The following TAFA2 variants were observed in gnomAD, a reference collection of about 807,000 sequenced individuals.
TAFA2 encodes TAFA chemokine like family member 2.
Under a neutral mutation model 18.8 loss-of-function variants are expected in TAFA2, and 7 were observed. The ratio of observed to expected loss-of-function variants is 0.37; its 90% CI spans 0.21 to 0.70. The LOEUF (loss-of-function observed/expected upper bound fraction) is 0.70, where lower values mean the gene tolerates loss of function less well. Among genes scored for constraint, TAFA2 ranks in the 30% least tolerant of loss-of-function variants. The probability of loss-of-function intolerance (pLI) is 0.53; values close to 1 mark genes in which losing one functional copy is unlikely to be tolerated. For synonymous variants in TAFA2, 60 were observed against 54.2 expected (o/e 1.11, Z -0.47); for missense variants, 122 against 158.1 (o/e 0.77, Z 1.23).
At chr12:61,970,272 G>C (rs1462289779) in intron 1 of TAFA2, among the ~76,000 whole-genome samples, 1 of 151,540 alleles carries the variant, frequency 6.6e-6, no homozygotes, top group Non-Finnish European at 1.5e-5. Context: ...ACAGATAATG[G>C]CTAAAATTGC....
At chr12:62,100,199 C>T (rs564744030) in intron 1 of TAFA2, among the ~76,000 whole-genome samples, 91 of 151,586 alleles carry the variant, frequency 6.0e-4, no homozygotes, top group African/African-American at 2.0e-3. Context: ...TTTCAATCTT[C>T]TCTGGGTGGG....
intron 1 of TAFA2, among the ~76,000 whole-genome samples, chr12:61,932,361 C>T (rs1348685210): frequency 6.6e-6 from 1 of 152,088 alleles, no homozygotes; most frequent in Admixed American, 6.6e-5. Flanking sequence ...ATAGATGCCT[C>T]CCAAGACTGA....
chr12:61,879,564 C>T, intron 1 of TAFA2: 2 of 740,510 alleles, frequency 2.7e-6, no homozygotes, highest in South Asian at 1.5e-5. Context: ...AGGTGGACCC[C>T]AACATCCAGG....
chr12:62,247,026 TTA>T (rs1335083884), intron 1 of TAFA2, among the ~76,000 whole-genome samples: 9 of 152,192 alleles, frequency 5.9e-5, no homozygotes, highest in African/African-American at 9.6e-5. Context: ...TTCTACAATC[TTA>T]TATATATGTT....
At chr12:61,802,493 T>C in intron 2 of TAFA2, among the ~76,000 whole-genome samples, 1 of 151,942 alleles carries the variant, frequency 6.6e-6, no homozygotes, top group South Asian at 2.1e-4. Context: ...TTAAGTGAAA[T>C]AAGTCAGGCA....
At chr12:62,256,044 A>G (rs1213278945) in intron 1 of TAFA2, among the ~76,000 whole-genome samples, 1 of 151,660 alleles carries the variant, frequency 6.6e-6, no homozygotes, top group African/African-American at 2.4e-5. Flanking sequence ...TGAGGCGGGC[A>G]GATCGCCAGA....
chr12:61,899,792 G>A (rs1028509338), intron 1 of TAFA2, among the ~76,000 whole-genome samples: 1 of 152,084 alleles, frequency 6.6e-6, no homozygotes, highest in East Asian at 1.9e-4. Context: ...TTTTTTGCTT[G>A]TCATTATTCT....
chr12:61,969,234 G>A (rs773010979), intron 1 of TAFA2, among the ~76,000 whole-genome samples: 5 of 151,564 alleles, frequency 3.3e-5, no homozygotes, highest in Admixed American at 6.6e-5. Context: ...AGAAACAAAT[G>A]TATCCATATT....
intron 1 of TAFA2, chr12:62,198,510 A>C (rs1454381642): frequency 6.6e-6 from 1 of 152,220 alleles, no homozygotes; most frequent in Non-Finnish European, 1.5e-5. Flanking sequence ...ATACGGTATT[A>C]TAACAATTAA....
At chr12:62,214,269 G>T (rs1420795740) in intron 1 of TAFA2, among the ~76,000 whole-genome samples, 5 of 152,036 alleles carry the variant, frequency 3.3e-5, no homozygotes, top group Admixed American at 2.6e-4. Context: ...TGAATTACGG[G>T]GGCAGTTCTT....
At chr12:62,148,782 G>T (rs985459948) in intron 1 of TAFA2, among the ~76,000 whole-genome samples, 7 of 152,230 alleles carry the variant, frequency 4.6e-5, no homozygotes, top group Non-Finnish European at 8.8e-5. Flanking sequence ...ACCTTAAAGA[G>T]ATTTTTCTGA....
At chr12:62,022,747 C>T (rs901045079) in intron 1 of TAFA2, among the ~76,000 whole-genome samples, 3 of 152,172 alleles carry the variant, frequency 2.0e-5, no homozygotes, top group African/African-American at 7.2e-5. Flanking sequence ...TAACTCCCTT[C>T]GTCAAGCAAG....
chr12:61,998,309 A>T (rs1880268065), intron 1 of TAFA2, among the ~76,000 whole-genome samples: 2 of 152,190 alleles, frequency 1.3e-5, no homozygotes, highest in South Asian at 2.1e-4. Context: ...ATATTTTTAA[A>T]ATATTTCCAG....
At chr12:62,092,829 CATA>C (rs1337294830) in intron 1 of TAFA2, among the ~76,000 whole-genome samples, 3 of 151,888 alleles carry the variant, frequency 2.0e-5, no homozygotes, top group Admixed American at 6.6e-5. Flanking sequence ...GAAAGAAGGG[CATA>C]ATGTTTAAAC....
chr12:61,888,614 G>A (rs770482748), intron 1 of TAFA2, among the ~76,000 whole-genome samples: 3 of 152,212 alleles, frequency 2.0e-5, no homozygotes, highest in Non-Finnish European at 4.4e-5. Flanking sequence ...GAAAAATTCA[G>A]TGAGAGGGTG....
intron 3 of TAFA2, among the ~76,000 whole-genome samples, chr12:61,754,450 A>G (rs775314501): frequency 6.6e-6 from 1 of 151,974 alleles, no homozygotes; most frequent in Non-Finnish European, 1.5e-5. Flanking sequence ...TCTATCCACA[A>G]CTAAATGTTC....
At chr12:61,790,039 C>T (rs796487268) in intron 2 of TAFA2, among the ~76,000 whole-genome samples, 8 of 151,792 alleles carry the variant, frequency 5.3e-5, no homozygotes, top group Admixed American at 2.0e-4. Context: ...TGATTCATTC[C>T]AGTGAAGCAA....
intron 1 of TAFA2, among the ~76,000 whole-genome samples, chr12:62,085,308 T>C (rs1302653453): frequency 6.6e-6 from 1 of 152,156 alleles, no homozygotes; most frequent in Non-Finnish European, 1.5e-5. Context: ...CTGTTTTCAA[T>C]GTTATATTTG....
intron 2 of TAFA2, among the ~76,000 whole-genome samples, chr12:61,791,841 T>C (rs1011011445): frequency 3.3e-5 from 5 of 151,716 alleles, no homozygotes; most frequent in Admixed American, 6.6e-5. Flanking sequence ...AGAACTACTA[T>C]ATGATCCAGT....
Sources: gnomAD v4.1 joint callset for allele counts (sites outside exome capture counted in the v4.1 genomes callset) on GRCh38, gnomAD v4.1.1 for gene constraint, MANE v1.5 for transcripts, NCBI Gene and HGNC (gene_info 2026-07-23, HGNC 2026-07-21) for gene names.